PLCZ1: variants seen among roughly 807,000 people sequenced by gnomAD.
PLCZ1 encodes the protein phospholipase C zeta 1.
Under a neutral mutation model 76.8 loss-of-function variants are expected in PLCZ1, and 64 were observed. That is an observed-to-expected ratio of 0.83 (90% CI 0.68 to 1.03). The LOEUF (loss-of-function observed/expected upper bound fraction) is 1.03, where lower values mean the gene tolerates loss of function less well. PLCZ1 is among the 50% of genes least tolerant of loss of function. The pLI, the probability that PLCZ1 is intolerant of heterozygous loss-of-function variation, is 0.00. For missense variants in PLCZ1, 751 were observed against 713.7 expected, an observed-to-expected ratio of 1.05 and a Z score of -0.60; for synonymous variants, 248 against 230.8, an observed-to-expected ratio of 1.07 and a Z score of -0.68.
chr12:18,711,809 T>C (rs1472125829), intron 6 of PLCZ1, among the ~76,000 whole-genome samples: 1 of 151,790 alleles, frequency 6.6e-6, no homozygotes, highest in Non-Finnish European at 1.5e-5. Context: ...TTGGTGTGAG[T>C]TCAAGAAAGA....
chr12:18,702,074 A>G (rs912392873), intron 7 of PLCZ1, among the ~76,000 whole-genome samples: 1 of 152,048 alleles, frequency 6.6e-6, no homozygotes, highest in Non-Finnish European at 1.5e-5. Flanking sequence ...TGTGAAAAGT[A>G]TATATATATA....
chr12:18,725,701 C>T (rs191806323), intron 3 of PLCZ1, among the ~76,000 whole-genome samples: 1 of 152,268 alleles, frequency 6.6e-6, no homozygotes, highest in African/African-American at 2.4e-5. Context: ...CCACCTCACA[C>T]TTCAGGTGCT....
chr12:18,688,255 A>G (rs749571790), intron 12 of PLCZ1, 37 bp from the exon 13 acceptor site: 6 of 1,569,446 alleles, frequency 3.8e-6, no homozygotes, highest in Non-Finnish European at 4.3e-6. Context: ...ATTTAGCAAG[A>G]TATTAAGTTA....
the PLCZ1 span, among the ~76,000 whole-genome samples, chr12:18,666,375 T>C: frequency 6.6e-6 from 1 of 152,042 alleles, no homozygotes; most frequent in Non-Finnish European, 1.5e-5. Flanking sequence ...GACACAAATA[T>C]GTTGAAAATG....
chr12:18,700,062 A>G (rs1309432542), intron 9 of PLCZ1, 112 bp from the exon 10 acceptor site: 2 of 900,438 alleles, frequency 2.2e-6, no homozygotes, highest in African/African-American at 3.4e-5. Flanking sequence ...TTTTCATAAG[A>G]TTATCTCCTC....
intron 6 of PLCZ1, 122 bp downstream of exon 6, chr12:18,712,720 G>C (rs563632614): frequency 1.2e-4 from 143 of 1,239,316 alleles, no homozygotes; most frequent in Non-Finnish European, 1.5e-4. Flanking sequence ...CCTACTAATG[G>C]ATCATAACCC....
chr12:18,684,552 A>G (rs1204209740), intron 13 of PLCZ1, among the ~76,000 whole-genome samples: 4 of 152,038 alleles, frequency 2.6e-5, no homozygotes, highest in Non-Finnish European at 5.9e-5. Context: ...CTGAGCCACA[A>G]AGATGTTACA....
intron 3 of PLCZ1, among the ~76,000 whole-genome samples, chr12:18,729,475 A>G (rs78929234): frequency 0.012 from 1,803 of 152,102 alleles, 31 homozygotes; most frequent in African/African-American, 0.041. Flanking sequence ...TTCATTTTTT[A>G]CAGTTCACAG....
Position 18,723,496 on chromosome 12 carries a change from C to G in PLCZ1, c.182G>C (p.Arg61Thr). The change falls in exon 4 of 15, where the codon AGA becomes ACA. Residue 61 changes from arginine (R) to threonine (T), a missense_variant. By Grantham distance (71) the Arg-to-Thr change is moderately conservative (BLOSUM62 -1). Transcript: ENST00000266505. The part of the protein sequence containing the change: ...KQGRITIEEF[R>T]AIYRIITHRE... ...GTGCGTGATAATTCGATAAATTGCT[C>G]TAAATTCTTCTATGGTGATTCTTCC... 1.9e-6 allele frequency: 3 copies of G among 1,612,742 alleles called. No individual in the cohort carries two copies. Among genetic ancestry groups the G allele is most frequent in the Non-Finnish European group, 2.5e-6 (3 of 1,179,402 alleles).
At chr12:18,704,230 G>A (rs1436039574) in intron 7 of PLCZ1, among the ~76,000 whole-genome samples, 1 of 152,196 alleles carries the variant, frequency 6.6e-6, no homozygotes, top group Non-Finnish European at 1.5e-5. Flanking sequence ...GAATGTGATG[G>A]GAACTTTCCT....
intron 12 of PLCZ1, chr12:18,692,819 G>A (rs1954328133): frequency 5.8e-6 from 9 of 1,554,708 alleles, no homozygotes; most frequent in Non-Finnish European, 8.0e-6. Flanking sequence ...AGGATGACAA[G>A]CTCTAACAAC....
chr12:18,714,884 T>C, intron 5 of PLCZ1: 1 of 152,020 alleles, frequency 6.6e-6, no homozygotes, highest in African/African-American at 2.4e-5. Context: ...TGAGAAACCC[T>C]GCTGTAAGTC....
intron 3 of PLCZ1, among the ~76,000 whole-genome samples, chr12:18,730,181 AG>A (rs771990249): frequency 2.6e-4 from 40 of 152,160 alleles, no homozygotes; most frequent in Non-Finnish European, 5.0e-4. Context: ...AGAGACTAGA[AG>A]ATTTTGGTCA....
rs546103705 is a variant in PLCZ1, at chr12:18,729,213, A to C, written c.136-5671T>G. Among the ~76,000 whole-genome samples, 3 of 151,992 alleles carry C rather than the reference A, an allele frequency of 2.0e-5. No homozygotes were observed. In the South Asian group the frequency reaches 6.2e-4, roughly 32 times the overall value. ...TCTTTCTTACCACTTCCTTTCATGCATCCTGTACTCCAGTCATATTTGATT... is the reference window on the plus strand; with the variant it reads ...TCTTTCTTACCACTTCCTTTCATGCCTCCTGTACTCCAGTCATATTTGATT... On this transcript the variant is annotated intron_variant, in intron 3 of 14. Coordinates refer to ENST00000266505, the MANE Select transcript of PLCZ1 (RefSeq NM_033123.4).
intron 7 of PLCZ1, among the ~76,000 whole-genome samples, chr12:18,703,462 C>A (rs893194789): frequency 3.9e-5 from 6 of 152,154 alleles, no homozygotes; most frequent in Non-Finnish European, 2.9e-5. Context: ...AGCTGTTTTT[C>A]TTCGATGGTG....
intron 7 of PLCZ1, among the ~76,000 whole-genome samples, chr12:18,703,179 C>A (rs1956166643): frequency 6.6e-6 from 1 of 152,092 alleles, no homozygotes; most frequent in African/African-American, 2.4e-5. Flanking sequence ...AAATTCTTTA[C>A]TATTTCTTTC....
At chr12:18,687,187 G>C (rs967434101) in intron 13 of PLCZ1, among the ~76,000 whole-genome samples, 1 of 152,078 alleles carries the variant, frequency 6.6e-6, no homozygotes, top group African/African-American at 2.4e-5. Context: ...CTTTTTCCAT[G>C]ACTTTCGCTC....
chr12:18,701,507 T>G lies in PLCZ1; in HGVS notation c.1011A>C (p.Lys337Asn). Residue 337 changes from lysine (K) to asparagine (N), a missense_variant, in exon 9 of 15, where the codon AAA (lysine) becomes AAC (asparagine). Transcript: ENST00000266505. ...TCACAAAACACCACCTCACCTTCTT[T>G]TTCTTGAAAAGCATTACTCCAGGTA... is the stretch of plus-strand genomic sequence containing the variant. ...KKLPGVMLFK[K>N]KKTRKLKIAL... 6.2e-7 allele frequency: 1 copy of G among 1,614,076 alleles called. No individual in the cohort carries two copies. Among genetic ancestry groups the G allele is most frequent in the Non-Finnish European group, 8.5e-7 (1 of 1,179,990 alleles).
At chr12:18,691,178 G>T (rs1954018287) in intron 12 of PLCZ1, among the ~76,000 whole-genome samples, 1 of 152,138 alleles carries the variant, frequency 6.6e-6, no homozygotes, top group South Asian at 2.1e-4. Context: ...CTGGATGTGG[G>T]ATGTGAAGGA....
Sources: gnomAD v4.1 joint callset for allele counts (sites outside exome capture counted in the v4.1 genomes callset) on GRCh38, gnomAD v4.1.1 for gene constraint, MANE v1.5 for transcripts, NCBI Gene and HGNC (gene_info 2026-07-23, HGNC 2026-07-21) for gene names.